The following WDR82 variants were observed in gnomAD, a reference collection of about 807,000 sequenced individuals.
WDR82 encodes WD repeat-containing protein 82.
A neutral mutation model predicts 36.1 loss-of-function variants in WDR82; 8 were observed. That is an observed-to-expected ratio of 0.22 (90% CI 0.13 to 0.40). The LOEUF (loss-of-function observed/expected upper bound fraction) is 0.40, where lower values mean the gene tolerates loss of function less well. Ranked by LOEUF, WDR82 falls within the 10% of genes least tolerant of loss-of-function variation. The pLI, the probability that WDR82 is intolerant of heterozygous loss-of-function variation, is 1.00. For missense variants in WDR82, 185 were observed against 400.5 expected, an observed-to-expected ratio of 0.46 and a Z score of 4.59; for synonymous variants, 129 against 137.8, an observed-to-expected ratio of 0.94 and a Z score of 0.45.
At position 52,255,006 on chromosome 3, in the gene WDR82, G is replaced by C. The variant is rs1347624312; in HGVS notation, c.*2484C>G. The C allele has an allele frequency of 6.7e-6, 1 of 148,958 alleles. No individual in the cohort carries two copies. The highest frequency in any genetic ancestry group is 2.0e-4 in the East Asian group (1 of 5,112). The allele number at this position is 148,958 out of a possible 1,614,324, so 9.2% of individuals were successfully genotyped here. A position where few individuals can be genotyped will look rare whatever the true frequency, so the allele number is the denominator to read the frequency against. On this transcript the variant is annotated 3_prime_UTR_variant, in exon 9 of 9. Coordinates refer to ENST00000296490, the MANE Select transcript of WDR82 (RefSeq NM_025222.4). ...TGCCCAGGCCGGAGTGCAATGGCAC[G>C]ATCTCAACTCACCGCAACCTCCGCC...
chr3:52,277,629 G>C (rs1700217278), intron 1 of WDR82, among the ~76,000 whole-genome samples: 1 of 152,198 alleles, frequency 6.6e-6, no homozygotes, highest in African/African-American at 2.4e-5. Flanking sequence ...AAAAAGCAAG[G>C]GGGCTCAAAG....
chr3:52,259,672 A>G, intron 6 of WDR82, 45 bp downstream of exon 6: 1 of 1,583,474 alleles, frequency 6.3e-7, no homozygotes, highest in Non-Finnish European at 8.6e-7. Context: ...TTAGCATAGG[A>G]AGTATGAGCA....
chr3:52,257,211 A>C lies in WDR82; in HGVS notation c.*279T>G, dbSNP rs1700017050. On this transcript the variant is annotated 3_prime_UTR_variant, in exon 9 of 9. Transcript: ENST00000296490. ...GATGCTTGAGAGCCCCACTATACCA[A>C]ATCGTGAGTCTGGTCACTCCTCCAG... The C allele has an allele frequency of 9.7e-6, 5 of 514,174 alleles. No individual in the cohort carries two copies. Among genetic ancestry groups the C allele is most frequent in the Non-Finnish European group, 1.7e-5 (5 of 287,462 alleles). 31.9% of individuals were successfully genotyped at this position (514,174 alleles called of 1,614,324 possible).
chr3:52,278,645 CT>C lies in WDR82; in HGVS notation c.-285del, dbSNP rs1700230834. Reference sequence around the variant, plus strand: ...GCCATTTTGGGGCGACAGGCAGAAGCTGAGGGCGAGGAGCCTCAGCCGCGGC... The same window carrying C: ...GCCATTTTGGGGCGACAGGCAGAAGCGAGGGCGAGGAGCCTCAGCCGCGGC... On this transcript the variant is annotated 5_prime_UTR_variant, in exon 1 of 9. Transcript: ENST00000296490. 1 of 396,722 alleles carries C rather than the reference CT, an allele frequency of 2.5e-6. No homozygotes were observed. Among genetic ancestry groups the C allele is most frequent in the African/African-American group, 2.1e-5 (1 of 48,434 alleles). The allele number at this position is 396,722 out of a possible 1,614,324, so 24.6% of individuals were successfully genotyped here. A position where few individuals can be genotyped will look rare whatever the true frequency, so the allele number is the denominator to read the frequency against.
At chr3:52,263,935 G>T (rs559226389) in intron 3 of WDR82, among the ~76,000 whole-genome samples, 1 of 152,062 alleles carries the variant, frequency 6.6e-6, no homozygotes, top group Non-Finnish European at 1.5e-5. Flanking sequence ...AGGCTGAGGC[G>T]GATGGATCAC....
At chr3:52,263,889 T>C (rs1700082430) in intron 3 of WDR82, among the ~76,000 whole-genome samples, 1 of 152,122 alleles carries the variant, frequency 6.6e-6, no homozygotes, top group Non-Finnish European at 1.5e-5. Flanking sequence ...TGGTGCTGGG[T>C]GCAGTGGCTC....
chr3:52,258,441 C>T, intron 8 of WDR82, 95 bp downstream of exon 8: 1 of 1,397,370 alleles, frequency 7.2e-7, no homozygotes, highest in Non-Finnish European at 1.0e-6. Flanking sequence ...TGTAATGTAC[C>T]TATGTAGAAC....
rs1421431799 is a variant in WDR82 at position 52,255,601 on chromosome 3, A to T, written c.*1889T>A. 1 of 152,044 alleles carries T rather than the reference A, an allele frequency of 6.6e-6. No homozygotes were observed. Among genetic ancestry groups the T allele is most frequent in the East Asian group, 1.9e-4 (1 of 5,184 alleles). The allele number at this position is 152,044 out of a possible 1,614,324, so 9.4% of individuals were successfully genotyped here. A position where few individuals can be genotyped will look rare whatever the true frequency, so the allele number is the denominator to read the frequency against. On this transcript the variant is annotated 3_prime_UTR_variant, in exon 9 of 9. Coordinates refer to ENST00000296490, the MANE Select transcript of WDR82 (RefSeq NM_025222.4). ...GCACTTTCAGAGGAACAAGTCAAAAAGTAATTGCTTAAAAAAAAAAAGTGC... is the reference window on the plus strand; with the variant it reads ...GCACTTTCAGAGGAACAAGTCAAAATGTAATTGCTTAAAAAAAAAAAGTGC...
At chr3:52,267,608 C>G (rs1357558131) in intron 2 of WDR82, 2 of 152,370 alleles carry the variant, frequency 1.3e-5, no homozygotes, top group African/African-American at 4.8e-5. Flanking sequence ...ATGTCAAGAT[C>G]TGGGTTAAAA....
At chr3:52,269,346 G>A (rs1284133005) in intron 2 of WDR82, among the ~76,000 whole-genome samples, 1 of 152,078 alleles carries the variant, frequency 6.6e-6, no homozygotes, top group Non-Finnish European at 1.5e-5. Flanking sequence ...GTGTTGGTGG[G>A]CACCTGTAAT....
At chr3:52,274,182 G>T (rs1268222334) in intron 1 of WDR82, among the ~76,000 whole-genome samples, 2 of 152,156 alleles carry the variant, frequency 1.3e-5, no homozygotes, top group Non-Finnish European at 2.9e-5. Context: ...AAATTTAAAT[G>T]ACCAGTAAAC....
At chr3:52,275,373 A>T (rs1700193971) in intron 1 of WDR82, among the ~76,000 whole-genome samples, 1 of 152,202 alleles carries the variant, frequency 6.6e-6, no homozygotes, top group South Asian at 2.1e-4. Context: ...ATACCCAAAG[A>T]AGTAATCTGA....
intron 3 of WDR82, among the ~76,000 whole-genome samples, chr3:52,266,557 C>A (rs1241896680): frequency 6.6e-6 from 1 of 152,116 alleles, no homozygotes; most frequent in Non-Finnish European, 1.5e-5. Flanking sequence ...CCTGCCTCAG[C>A]CTCCCGAGTA....
intron 4 of WDR82, among the ~76,000 whole-genome samples, chr3:52,261,079 T>A (rs1700057379): frequency 6.6e-6 from 1 of 152,140 alleles, no homozygotes; most frequent in African/African-American, 2.4e-5. Context: ...GAGCTGAGAT[T>A]GCACCATTGC....
At chr3:52,266,022 C>T (rs915337619) in intron 3 of WDR82, among the ~76,000 whole-genome samples, 6 of 152,076 alleles carry the variant, frequency 3.9e-5, no homozygotes, top group African/African-American at 1.2e-4. Flanking sequence ...CAGGGGAAAA[C>T]GTGTTTAACA....
intron 2 of WDR82, among the ~76,000 whole-genome samples, chr3:52,269,178 T>G (rs1364602704): frequency 6.6e-6 from 1 of 152,100 alleles, no homozygotes; most frequent in East Asian, 1.9e-4. Flanking sequence ...GAAATAAGTT[T>G]AAAAACAGAA....
intron 1 of WDR82, among the ~76,000 whole-genome samples, chr3:52,274,538 C>T (rs1700185240): frequency 1.3e-5 from 2 of 152,098 alleles, no homozygotes; most frequent in African/African-American, 4.8e-5. Flanking sequence ...GCACTCCAGC[C>T]TGAGCAACAG....
In WDR82 at chr3:52,278,373, G is replaced by C. The variant is rs374937164; in HGVS notation, c.-12C>G. 2 of 1,530,864 alleles carry C rather than the reference G, an allele frequency of 1.3e-6. No individual in the cohort carries two copies. Among genetic ancestry groups the C allele is most frequent in the Non-Finnish European group, 1.8e-6 (2 of 1,139,934 alleles). 94.8% of individuals were successfully genotyped at this position (1,530,864 alleles called of 1,614,324 possible). ...TCGGTCAGCTTCATGGCGGCGGCTG[G>C]GGAAGGCAGCGGCGGCGCAGGGCCG... On this transcript the variant is annotated 5_prime_UTR_variant, in exon 1 of 9. Coordinates refer to ENST00000296490, the MANE Select transcript of WDR82 (RefSeq NM_025222.4).
chr3:52,275,152 C>T (rs556385945), intron 1 of WDR82, among the ~76,000 whole-genome samples: 69 of 151,526 alleles, frequency 4.6e-4, no homozygotes, highest in African/African-American at 1.6e-3. Flanking sequence ...ACTCGGGAGG[C>T]GGAGGTTGCA....
Sources: gnomAD v4.1 joint callset for allele counts (sites outside exome capture counted in the v4.1 genomes callset) on GRCh38, gnomAD v4.1.1 for gene constraint, MANE v1.5 for transcripts, NCBI Gene and HGNC (gene_info 2026-07-23, HGNC 2026-07-21) for gene names.